Variants in URGCP observed in about 807,000 individuals in gnomAD.
URGCP encodes up-regulator of cell proliferation.
In URGCP, 13 loss-of-function variants were observed where a neutral mutation model predicts 24.6. The ratio of observed to expected loss-of-function variants is 0.53; its 90% CI spans 0.34 to 0.84. The LOEUF is 0.84. Among genes scored for constraint, URGCP ranks in the 40% least tolerant of loss-of-function variants. URGCP has a pLI of 0.01. For missense variants in URGCP, 899 were observed against 1,194.3 expected (o/e 0.75, Z 3.64); for synonymous variants, 444 against 487.2 (o/e 0.91, Z 1.17).
intron 5 of URGCP, chr7:43,881,189 G>A: frequency 1.4e-6 from 1 of 702,752 alleles, no homozygotes; most frequent in South Asian, 1.5e-5. Flanking sequence ...GTAGTAAAAG[G>A]CAATGGGAAA....
intron 1 of URGCP, among the ~76,000 whole-genome samples, chr7:43,897,129 G>C (rs2132691998): frequency 6.6e-6 from 1 of 152,278 alleles, no homozygotes; most frequent in Admixed American, 6.5e-5. Flanking sequence ...CTTGAGCACA[G>C]GAGGTTGAGG....
chr7:43,912,977 T>C (rs963274742), intron 1 of URGCP, among the ~76,000 whole-genome samples: 2 of 151,138 alleles, frequency 1.3e-5, no homozygotes, highest in East Asian at 2.0e-4. Context: ...CAGCCTCCCA[T>C]GTAGCTGGGA....
At chr7:43,900,665 C>A (rs2095888959) in intron 1 of URGCP, among the ~76,000 whole-genome samples, 1 of 152,086 alleles carries the variant, frequency 6.6e-6, no homozygotes. Flanking sequence ...TGGCTCACCG[C>A]TGCCTCAAAC....
intron 4 of URGCP, 93 bp from the exon 5 acceptor site, chr7:43,881,790 T>C: frequency 6.2e-7 from 1 of 1,609,036 alleles, no homozygotes; most frequent in Non-Finnish European, 8.5e-7. Flanking sequence ...AACCCTTCTT[T>C]CTCACCAAGA....
At chr7:43,892,501 G>C (rs934823250) in intron 1 of URGCP, among the ~76,000 whole-genome samples, 11 of 151,826 alleles carry the variant, frequency 7.2e-5, no homozygotes, top group Admixed American at 7.2e-4. Context: ...TGTGTGGCTT[G>C]ACAGCTACAC....
intron 1 of URGCP, among the ~76,000 whole-genome samples, chr7:43,915,649 T>C (rs986990411): frequency 2.0e-5 from 3 of 152,180 alleles, no homozygotes; most frequent in Non-Finnish European, 4.4e-5. Context: ...CCACATACCA[T>C]GGAGTCTTCC....
chr7:43,903,418 GATAAGA>G (rs1241898091), intron 1 of URGCP, among the ~76,000 whole-genome samples: 1 of 152,218 alleles, frequency 6.6e-6, no homozygotes, highest in Admixed American at 6.5e-5. Flanking sequence ...CTGTCACTCT[GATAAGA>G]ATAAGTGACT....
At chr7:43,892,326 T>C (rs1325852196) in intron 1 of URGCP, among the ~76,000 whole-genome samples, 4 of 148,286 alleles carry the variant, frequency 2.7e-5, no homozygotes, top group African/African-American at 1.0e-4. Flanking sequence ...CAGGTTCAAG[T>C]GATTCTCCTG....
At chr7:43,906,871 T>C (rs2024010), upstream of URGCP, 162,014 of 229,580 alleles carry the variant, frequency 0.71, 57,564 homozygotes, top group African/African-American at 0.82. Context: ...CCAAAAGCTG[T>C]AGGATAACCT....
At position 43,890,491 on chromosome 7, in the gene URGCP, C is replaced by A. The variant is rs900409050; in HGVS notation, c.15-2675G>T. On this transcript the variant is annotated intron_variant, in intron 1 of 5. Coordinates refer to ENST00000453200, the MANE Select transcript of URGCP (RefSeq NM_001077663.3). ...TCAGCCTCCCAAAGTGCTGGGATTA[C>A]AGACGTGAACCACCGCGCCCAGCCA... Among the ~76,000 whole-genome samples the A allele has an allele frequency of 4.6e-5, 7 of 152,284 alleles. No homozygotes were observed. In the East Asian group the frequency reaches 1.2e-3, roughly 25 times the overall value.
At chr7:43,911,449 A>G (rs1210280660), upstream of URGCP, among the ~76,000 whole-genome samples, 6 of 151,950 alleles carry the variant, frequency 3.9e-5, no homozygotes, top group African/African-American at 1.4e-4. Context: ...TAATCCCAGC[A>G]CTTTGGGAGG....
At chr7:43,881,474 GTTTTTTT>G (rs751531869) in intron 5 of URGCP, among the ~76,000 whole-genome samples, 178 bp downstream of exon 5, 3 of 127,324 alleles carry the variant, frequency 2.4e-5, no homozygotes, top group Non-Finnish European at 3.3e-5. Context: ...GCTTCCCAGG[GTTTTTTT>G]TTTTTTTTTT....
At chr7:43,887,330 G>A (rs2095863617) in intron 3 of URGCP, 85 bp downstream of exon 3, 1 of 1,506,940 alleles carries the variant, frequency 6.6e-7, no homozygotes, top group African/African-American at 1.4e-5. Context: ...CCAAGTCCAG[G>A]AGGGGCTGGA....
At chr7:43,903,135 AAGAG>A (rs752895593) in intron 1 of URGCP, among the ~76,000 whole-genome samples, 35 of 150,686 alleles carry the variant, frequency 2.3e-4, no homozygotes, top group African/African-American at 8.1e-4. Context: ...AAAAAAAAAA[AAGAG>A]AGAGAGAGAA....
chr7:43,898,996 T>C (rs1466536163), intron 1 of URGCP, among the ~76,000 whole-genome samples: 1 of 149,376 alleles, frequency 6.7e-6, no homozygotes, highest in Non-Finnish European at 1.5e-5. Flanking sequence ...TAGCCAGGCG[T>C]GGTGGCGCAT....
At chr7:43,891,181 CA>C (rs2095870158) in intron 1 of URGCP, among the ~76,000 whole-genome samples, 1 of 152,172 alleles carries the variant, frequency 6.6e-6, no homozygotes, top group South Asian at 2.1e-4. Flanking sequence ...ATAGATAGGG[CA>C]AACCTCGTGG....
intron 1 of URGCP, among the ~76,000 whole-genome samples, chr7:43,900,711 A>C (rs2095889020): frequency 6.6e-6 from 1 of 152,136 alleles, no homozygotes; most frequent in Non-Finnish European, 1.5e-5. Flanking sequence ...TCAGGCTCCC[A>C]AAGTGCTGGG....
chr7:43,881,487 T>G (rs112402328), intron 5 of URGCP, among the ~76,000 whole-genome samples, 172 bp downstream of exon 5: 2 of 151,246 alleles, frequency 1.3e-5, no homozygotes, highest in African/African-American at 4.9e-5. Context: ...TTTTTTTTTT[T>G]TTTTTTTTAG....
rs7807549 is a variant in URGCP, at chr7:43,877,866, G to C, written c.1597C>G (p.Leu533Val). 1.2e-6 allele frequency: 2 copies of C among 1,612,282 alleles called. No individual in the cohort carries two copies. The highest frequency in any genetic ancestry group is 3.3e-5 in the Admixed American group (2 of 59,902). The change falls in exon 6 of 6, where the codon CTA becomes GTA. Residue 533 changes from leucine (L) to valine (V), a missense_variant. Physicochemically the swap from Leu to Val is conservative, Grantham distance 32. Transcript: ENST00000453200. ...CCGTTCTGCTGCATTCGAAGTTCTA[G>C]CAGCCGCCGCCTCAGCTCAGCCCTG... ...KHRAELRRRL[L>V]ELRMQQNGHD...
Sources: allele counts gnomAD v4.1 joint callset (sites outside exome capture counted in the v4.1 genomes callset), GRCh38; gene constraint gnomAD v4.1.1; transcripts MANE v1.5; gene names NCBI Gene and HGNC (gene_info 2026-07-23, HGNC 2026-07-21).